The following TBCD variants were observed in gnomAD, a reference collection of about 807,000 sequenced individuals.
TBCD encodes the protein tubulin-specific chaperone D.
Under a neutral mutation model 169.3 loss-of-function variants are expected in TBCD, and 105 were observed. That is an observed-to-expected ratio of 0.62 (90% CI 0.53 to 0.73). The LOEUF (loss-of-function observed/expected upper bound fraction) is 0.73. Among genes scored for constraint, TBCD ranks in the 30% least tolerant of loss-of-function variants. The pLI is 0.00. For synonymous variants in TBCD, 700 were observed against 643.9 expected (o/e 1.09, Z -1.32); for missense variants, 1,444 against 1,600.1 (o/e 0.90, Z 1.66).
At chr17:82,829,102 G>A (rs553136014) in intron 13 of TBCD, among the ~76,000 whole-genome samples, 2 of 140,436 alleles carry the variant, frequency 1.4e-5, no homozygotes, top group African/African-American at 2.7e-5. Flanking sequence ...AATTGAATGC[G>A]CACCCCCCAC....
At chr17:82,929,827 C>T (rs2062052094) in intron 32 of TBCD, 2 of 483,412 alleles carry the variant, frequency 4.1e-6, no homozygotes, top group East Asian at 7.9e-5. Context: ...TACCTGGGCT[C>T]CATCAGGTTC....
chr17:82,942,698 C>A lies in TBCD; in HGVS notation c.*235C>A. On this transcript the variant is annotated 3_prime_UTR_variant, in exon 39 of 39. Transcript: ENST00000355528. The stretch of plus-strand genomic sequence containing the variant: ...AATGTGCTTCCTATAAAATCATGTA[C>A]CAAGAAGTTCCTGCCTTTTGTCTCT... 1 of 604,104 alleles carries A rather than the reference C, an allele frequency of 1.7e-6. No individual in the cohort carries two copies. Among genetic ancestry groups the A allele is most frequent in the Non-Finnish European group, 2.9e-6 (1 of 340,126 alleles). 37.4% of individuals were successfully genotyped at this position (604,104 alleles called of 1,614,324 possible).
intron 9 of TBCD, among the ~76,000 whole-genome samples, chr17:82,802,929 A>G (rs999356412): frequency 1.3e-5 from 2 of 152,272 alleles, no homozygotes; most frequent in African/African-American, 4.8e-5. Context: ...TCTCTCGATA[A>G]TGATGTGCGT....
At chr17:82,885,615 TAATAC>T (rs1300682919) in intron 15 of TBCD, among the ~76,000 whole-genome samples, 1 of 152,210 alleles carries the variant, frequency 6.6e-6, no homozygotes, top group African/African-American at 2.4e-5. Context: ...CTTTGAAATA[TAATAC>T]AATTTTATGT....
chr17:82,941,582 A>G (rs2063273948), intron 38 of TBCD, 99 bp downstream of exon 38: 1 of 1,076,226 alleles, frequency 9.3e-7, no homozygotes, highest in Non-Finnish European at 1.3e-6. Context: ...CAGCACGTCC[A>G]CACGGCCCGT....
intron 6 of TBCD, among the ~76,000 whole-genome samples, chr17:82,778,740 G>GC (rs71168153): frequency 1 from 151,971 of 151,972 alleles, 75,985 homozygotes; most frequent in Non-Finnish European, 1. Context: ...CAGCTCCACT[G>GC]AACCTCTGCC....
At chr17:82,791,925 CAA>C (rs1442976295) in intron 7 of TBCD, among the ~76,000 whole-genome samples, 1 of 152,192 alleles carries the variant, frequency 6.6e-6, no homozygotes, top group Non-Finnish European at 1.5e-5. Context: ...TCCCAGGCTG[CAA>C]ACCTGTACAG....
chr17:82,771,255 C>T (rs2048300151), intron 5 of TBCD, among the ~76,000 whole-genome samples: 1 of 151,948 alleles, frequency 6.6e-6, no homozygotes, highest in Non-Finnish European at 1.5e-5. Flanking sequence ...GGGAGGATAG[C>T]TTGAGCCCAG....
intron 38 of TBCD, chr17:82,941,761 G>A (rs914502530): frequency 8.1e-6 from 4 of 494,350 alleles, no homozygotes; most frequent in Non-Finnish European, 7.2e-6. Context: ...GGCTCCTCAT[G>A]CCTGGCCCTG....
intron 13 of TBCD, among the ~76,000 whole-genome samples, chr17:82,863,350 G>A (rs751908883): frequency 6.6e-6 from 1 of 152,188 alleles, no homozygotes; most frequent in Non-Finnish European, 1.5e-5. Flanking sequence ...CGGACGCAGC[G>A]TGGAGGCCAA....
intron 13 of TBCD, among the ~76,000 whole-genome samples, chr17:82,837,597 G>C (rs181658488): frequency 1.5e-3 from 236 of 152,298 alleles, no homozygotes; most frequent in Admixed American, 4.6e-3. Flanking sequence ...TTTCATTTGA[G>C]AACTGCAGTG....
At chr17:82,867,269 GGCC>G (rs1445229543) in intron 13 of TBCD, among the ~76,000 whole-genome samples, 2 of 152,222 alleles carry the variant, frequency 1.3e-5, no homozygotes, top group Non-Finnish European at 2.9e-5. Context: ...GGAGGCCTGA[GGCC>G]ATTGTCCATG....
chr17:82,863,156 G>T (rs1350194500), intron 13 of TBCD, among the ~76,000 whole-genome samples: 2 of 152,230 alleles, frequency 1.3e-5, no homozygotes, highest in Non-Finnish European at 2.9e-5. Flanking sequence ...AGGCCTCCAT[G>T]TGCTGGCCCC....
Position 82,945,225 on chromosome 17 carries a change from G to A in TBCD, c.*2762G>A, listed in dbSNP as rs572333291. ...AGCTGAAGAGAGAATTAGAAAACTG[G>A]AAGATCTGAAAACATTATCCAGAGA... On this transcript the variant is annotated 3_prime_UTR_variant, in exon 39 of 39. Transcript: ENST00000355528. 1 of 152,346 alleles carries A rather than the reference G, an allele frequency of 6.6e-6. No individual in the cohort carries two copies. Among genetic ancestry groups the A allele is most frequent in the Admixed American group, 6.5e-5 (1 of 15,310 alleles). 9.4% of individuals were successfully genotyped at this position (152,346 alleles called of 1,614,324 possible). A position where few individuals can be genotyped will look rare whatever the true frequency, so the allele number is the denominator to read the frequency against.
chr17:82,838,737 A>G (rs1206267542), intron 13 of TBCD: 12 of 985,326 alleles, frequency 1.2e-5, no homozygotes, highest in African/African-American at 1.7e-5. Flanking sequence ...GGGAAAAGAC[A>G]GTCTTTGGGA....
intron 3 of TBCD, 73 bp from the exon 4 acceptor site, chr17:82,766,194 A>C: frequency 8.0e-7 from 1 of 1,249,778 alleles, no homozygotes; most frequent in East Asian, 2.5e-5. Context: ...ATTTTTGATG[A>C]AAGGGTAGAA....
At chr17:82,898,368 G>C (rs958859484) in intron 17 of TBCD, among the ~76,000 whole-genome samples, 3 of 150,104 alleles carry the variant, frequency 2.0e-5, no homozygotes, top group African/African-American at 4.9e-5. Flanking sequence ...CACACGGCAC[G>C]GCTCTGGGTT....
At chr17:82,843,208 A>G (rs2054677205) in intron 13 of TBCD, among the ~76,000 whole-genome samples, 1 of 152,110 alleles carries the variant, frequency 6.6e-6, no homozygotes, top group South Asian at 2.1e-4. Flanking sequence ...AGTTGTAAGG[A>G]TGCTCCAGTG....
intron 13 of TBCD, among the ~76,000 whole-genome samples, chr17:82,817,537 T>TCC (rs199824331): frequency 3.3e-5 from 5 of 152,058 alleles, no homozygotes; most frequent in Admixed American, 6.6e-5. Context: ...GCTCAAGCGA[T>TCC]CCCCCCGCTT....
Sources: gnomAD v4.1 joint callset for allele counts (sites outside exome capture counted in the v4.1 genomes callset) on GRCh38, gnomAD v4.1.1 for gene constraint, MANE v1.5 for transcripts, NCBI Gene and HGNC (gene_info 2026-07-23, HGNC 2026-07-21) for gene names.